Variants in TCF12 observed in about 807,000 individuals in gnomAD.
TCF12 encodes the protein DNA-binding protein HTF4.
TCF12 carries 45 observed loss-of-function variants against 86.0 expected under a neutral mutation model. The observed-to-expected ratio is 0.52, with a 90% confidence interval of 0.41 to 0.67. TCF12 has a LOEUF of 0.67. Ranked by LOEUF, TCF12 falls within the 30% of genes least tolerant of loss-of-function variation. The pLI is 0.00. For missense variants in TCF12, 881 were observed against 859.9 expected, an observed-to-expected ratio of 1.02 and a Z score of -0.31; for synonymous variants, 330 against 299.6, an observed-to-expected ratio of 1.10 and a Z score of -1.05.
intron 15 of TCF12, 28 bp from the exon 16 acceptor site, chr15:57,253,234 C>T: frequency 6.2e-7 from 1 of 1,610,056 alleles, no homozygotes; most frequent in Non-Finnish European, 8.5e-7. Flanking sequence ...CAGCAATAAC[C>T]ACCATGTTTT....
At chr15:57,077,759 AC>A (rs1383122285) in intron 4 of TCF12, among the ~76,000 whole-genome samples, 8 of 151,592 alleles carry the variant, frequency 5.3e-5, no homozygotes, top group Non-Finnish European at 1.2e-4. Context: ...AAAAAAAAAA[AC>A]GTTTGCATGT....
intron 11 of TCF12, among the ~76,000 whole-genome samples, chr15:57,233,615 C>G (rs2059260706): frequency 6.6e-6 from 1 of 152,132 alleles, no homozygotes; most frequent in Admixed American, 6.5e-5. Flanking sequence ...GTAGCTGGGA[C>G]TACAGGCACA....
intron 8 of TCF12, among the ~76,000 whole-genome samples, chr15:57,228,664 T>A (rs2058996248): frequency 6.6e-6 from 1 of 152,076 alleles, no homozygotes; most frequent in African/African-American, 2.4e-5. Context: ...TATTCTCTTT[T>A]ATTTAGCAGC....
intron 3 of TCF12, among the ~76,000 whole-genome samples, chr15:56,993,569 C>T (rs543103025): frequency 6.6e-6 from 1 of 152,206 alleles, no homozygotes; most frequent in Non-Finnish European, 1.5e-5. Context: ...AAAGCAATAC[C>T]ATAAAGTTCT....
At chr15:57,125,818 G>C (rs1038390754) in intron 5 of TCF12, among the ~76,000 whole-genome samples, 8 of 152,114 alleles carry the variant, frequency 5.3e-5, no homozygotes, top group Non-Finnish European at 5.9e-5. Flanking sequence ...TTCTCAGCTT[G>C]TTTTCTTCAC....
chr15:57,205,244 A>G (rs1459930859), intron 8 of TCF12, among the ~76,000 whole-genome samples: 2 of 152,154 alleles, frequency 1.3e-5, no homozygotes, highest in African/African-American at 4.8e-5. Flanking sequence ...TTGAGATTGC[A>G]GTGAGCCAGG....
chr15:57,221,402 G>GTGTGTT (rs2058587377), intron 8 of TCF12, among the ~76,000 whole-genome samples: 1 of 151,732 alleles, frequency 6.6e-6, no homozygotes, highest in South Asian at 2.1e-4. Flanking sequence ...GTGTGTGTGT[G>GTGTGTT]TGTGTGTGTG....
intron 3 of TCF12, among the ~76,000 whole-genome samples, chr15:56,952,193 C>CACACA (rs1555455997): frequency 6.6e-6 from 1 of 151,604 alleles, no homozygotes; most frequent in Non-Finnish European, 1.5e-5. Context: ...TGTATATACA[C>CACACA]ACACACACAC....
intron 5 of TCF12, among the ~76,000 whole-genome samples, chr15:57,145,851 G>C (rs2053320853): frequency 6.6e-6 from 1 of 152,108 alleles, no homozygotes; most frequent in Non-Finnish European, 1.5e-5. Flanking sequence ...GGGTAGGAAG[G>C]CTTTTGAGTT....
intron 5 of TCF12, among the ~76,000 whole-genome samples, chr15:57,117,161 T>A (rs1312883271): frequency 6.6e-6 from 1 of 151,986 alleles, no homozygotes; most frequent in Non-Finnish European, 1.5e-5. Flanking sequence ...CACCTCTGCC[T>A]CCCAAGGAGC....
In TCF12 at chr15:57,123,922, A is replaced by G. The variant is rs547665993; in HGVS notation, c.325+32031A>G. Among the ~76,000 whole-genome samples, 19 of 143,890 alleles carry G rather than the reference A, an allele frequency of 1.3e-4. No homozygotes were observed. The East Asian group carries it at 3.8e-3, about 29-fold the overall frequency. The allele number at this position is 143,890 out of a possible 152,430, so 94.4% of individuals were successfully genotyped here. On this transcript the variant is annotated intron_variant, in intron 5 of 20. Transcript: ENST00000333725. ...GAGTCAGAGCTTGCAGTTAGCCGAG[A>G]TGCGCCACTGCACTCCAGCCTGGGC...
rs1197328429 is a variant in TCF12 at position 57,288,948 on chromosome 15, T to A, written c.*2803T>A. On this transcript the variant is annotated 3_prime_UTR_variant, in exon 21 of 21. Coordinates refer to ENST00000333725, the MANE Select transcript of TCF12 (RefSeq NM_207037.2). ...ATAATTAAGTAATGGTATTGTTTAC[T>A]GTTTAAAAGTTAAAAGATCAAAAAT... 1 of 152,060 alleles carries A rather than the reference T, an allele frequency of 6.6e-6. No homozygotes were observed. 9.4% of individuals were successfully genotyped at this position (152,060 alleles called of 1,614,324 possible). A position where few individuals can be genotyped will look rare whatever the true frequency, so the allele number is the denominator to read the frequency against.
In TCF12 at chr15:57,271,496, T is replaced by C. The variant is rs144528587; in HGVS notation, c.1746-1534T>C. 3.2e-3 allele frequency among the ~76,000 whole-genome samples: 492 copies of C among 152,326 alleles called. 8 individuals are homozygous for C. The highest frequency in any genetic ancestry group is 0.011 in the African/African-American group (466 of 41,578). ...CTGCTCCTCCAGGTACAGTCACTCATGGCTTCCCTTGGCTAGGAAAGGGTA... is the reference window on the plus strand; with the variant it reads ...CTGCTCCTCCAGGTACAGTCACTCACGGCTTCCCTTGGCTAGGAAAGGGTA... On this transcript the variant is annotated intron_variant, in intron 18 of 20. Coordinates refer to ENST00000333725, the MANE Select transcript of TCF12 (RefSeq NM_207037.2).
At chr15:57,119,928 A>T (rs543721419) in intron 5 of TCF12, among the ~76,000 whole-genome samples, 3 of 152,320 alleles carry the variant, frequency 2.0e-5, no homozygotes, top group Non-Finnish European at 4.4e-5. Flanking sequence ...GGGTATTCAA[A>T]TATCCCATCC....
intron 3 of TCF12, among the ~76,000 whole-genome samples, chr15:57,054,504 T>A (rs1381214797): frequency 6.6e-6 from 1 of 152,174 alleles, no homozygotes; most frequent in African/African-American, 2.4e-5. Context: ...ATAATTGTCT[T>A]GTTCAAGAAG....
At chr15:57,126,966 G>A (rs550421614) in intron 5 of TCF12, among the ~76,000 whole-genome samples, 1 of 148,400 alleles carries the variant, frequency 6.7e-6, no homozygotes, top group Non-Finnish European at 1.5e-5. Context: ...CTCTTCACTT[G>A]TACTTTTTTT....
chr15:57,247,116 C>G, intron 13 of TCF12: 3 of 574,354 alleles, frequency 5.2e-6, no homozygotes, highest in South Asian at 4.8e-5. Flanking sequence ...ACCGTAGTTA[C>G]CACCGCCAAA....
chr15:57,219,714 A>T (rs1294091145), intron 8 of TCF12: 64 of 517,466 alleles, frequency 1.2e-4, no homozygotes, highest in Non-Finnish European at 1.7e-4. Context: ...ATTAGATTGT[A>T]GATTTCTTTT....
intron 3 of TCF12, among the ~76,000 whole-genome samples, chr15:56,992,767 C>T (rs2063516033): frequency 6.6e-6 from 1 of 152,090 alleles, no homozygotes; most frequent in Non-Finnish European, 1.5e-5. Flanking sequence ...GAGTTAGTTA[C>T]CATGTGAATT....
Sources: gnomAD v4.1 joint callset for allele counts (sites outside exome capture counted in the v4.1 genomes callset) on GRCh38, gnomAD v4.1.1 for gene constraint, MANE v1.5 for transcripts, NCBI Gene and HGNC (gene_info 2026-07-23, HGNC 2026-07-21) for gene names.